The following U2SURP variants were observed in gnomAD, a reference collection of about 807,000 sequenced individuals.
The protein encoded by U2SURP is U2 snRNP associated SURP domain containing.
Under a neutral mutation model 144.9 loss-of-function variants are expected in U2SURP, and 9 were observed. The observed-to-expected ratio is 0.06, with a 90% CI of 0.04 to 0.11. The LOEUF (loss-of-function observed/expected upper bound fraction) is 0.11. U2SURP is among the 10% of genes least tolerant of loss of function. The pLI is 1.00. For synonymous variants in U2SURP, 408 were observed against 396.8 expected (o/e 1.03, Z -0.33); for missense variants, 724 against 1,226.7 (o/e 0.59, Z 6.12).
rs550681015 is a variant in U2SURP, at chr3:143,058,059, C to G, written c.*1609C>G. On this transcript the variant is annotated 3_prime_UTR_variant, in exon 28 of 28. Transcript: ENST00000473835. ...AAACATTAATTCCTAAAAATTTGTT[C>G]AGAATAATTAAAAGTGAACATTTGG... The G allele has an allele frequency of 6.6e-6, 1 of 152,396 alleles. No individual in the cohort carries two copies. Among genetic ancestry groups the G allele is most frequent in the East Asian group, 1.9e-4 (1 of 5,182 alleles). The allele number at this position is 152,396 out of a possible 1,614,324, so 9.4% of individuals were successfully genotyped here.
At chr3:143,033,165 G>A in intron 17 of U2SURP, 106 bp from the exon 18 acceptor site, 2 of 824,668 alleles carry the variant, frequency 2.4e-6, no homozygotes, top group East Asian at 5.4e-5. Flanking sequence ...CATAGTTGTG[G>A]TGATACTGAG....
At chr3:143,055,145 A>C in intron 27 of U2SURP, 26 bp downstream of exon 27, 1 of 1,522,934 alleles carries the variant, frequency 6.6e-7, no homozygotes, top group Non-Finnish European at 8.8e-7. Flanking sequence ...TTTTGCTAAT[A>C]TTTCAGATAC....
rs775003670 is a variant in U2SURP, at chr3:143,036,003, A to C, written c.1963A>C (p.Arg655=). The change falls in exon 20 of 28, where the codon AGA becomes CGA. Residue 655 remains arginine (R), a synonymous_variant. Transcript: ENST00000473835. ...TTAGCAACGGGTAATGACTTGCTTCAGAGCATGGGAAGATTGGGCAATTTA... is the reference window on the plus strand; with the variant it reads ...TTAGCAACGGGTAATGACTTGCTTCCGAGCATGGGAAGATTGGGCAATTTA... ...NFKQRVMTCF[R]AWEDWAIYPE... 26 of 1,607,014 alleles carry C rather than the reference A, an allele frequency of 1.6e-5. No homozygotes were observed. The highest frequency in any genetic ancestry group is 1.9e-5 in the Non-Finnish European group (22 of 1,177,792).
chr3:143,051,143 T>C, intron 25 of U2SURP, 94 bp downstream of exon 25: 3 of 699,034 alleles, frequency 4.3e-6, no homozygotes, highest in East Asian at 6.0e-5. Flanking sequence ...TTTCAAATTA[T>C]ATCCTTTGTA....
chr3:143,003,723 G>T (rs867117591), intron 1 of U2SURP, among the ~76,000 whole-genome samples: 1 of 118,376 alleles, frequency 8.4e-6, no homozygotes, highest in South Asian at 2.7e-4. Context: ...TCGCTCTGTC[G>T]CCCAGGCTGG....
chr3:143,003,285 G>A (rs1935632414), intron 1 of U2SURP, among the ~76,000 whole-genome samples: 1 of 152,154 alleles, frequency 6.6e-6, no homozygotes. Flanking sequence ...TCTGTGAAAG[G>A]AATCAGAATA....
At chr3:143,039,419 T>C (rs1019366056) in intron 23 of U2SURP, among the ~76,000 whole-genome samples, 2 of 151,894 alleles carry the variant, frequency 1.3e-5, no homozygotes, top group African/African-American at 2.4e-5. Context: ...AAATCTTTTC[T>C]TTTGAAATAT....
chr3:143,006,275 G>A (rs1259196437), intron 1 of U2SURP, among the ~76,000 whole-genome samples: 2 of 152,154 alleles, frequency 1.3e-5, no homozygotes, highest in Non-Finnish European at 2.9e-5. Context: ...ACCTTGATTT[G>A]GCTTGGATAG....
intron 1 of U2SURP, among the ~76,000 whole-genome samples, chr3:143,007,018 T>C (rs1381098543): frequency 1.3e-5 from 2 of 152,116 alleles, no homozygotes; most frequent in Non-Finnish European, 2.9e-5. Context: ...TCACTTAAAG[T>C]AAAATTGGAG....
intron 6 of U2SURP, 37 bp from the exon 7 acceptor site, chr3:143,019,932 C>A: frequency 1.6e-6 from 2 of 1,246,920 alleles, no homozygotes; most frequent in South Asian, 1.7e-5. Context: ...TTTGCTTATC[C>A]TTTTGTTTGA....
intron 4 of U2SURP, 69 bp from the exon 5 acceptor site, chr3:143,016,188 A>G (rs1183077959): frequency 1.4e-6 from 2 of 1,393,622 alleles, no homozygotes; most frequent in African/African-American, 2.9e-5. Context: ...TTATTCCTTG[A>G]TGAATTTAGC....
intron 1 of U2SURP, among the ~76,000 whole-genome samples, chr3:143,004,363 T>G (rs1327416729): frequency 3.2e-5 from 2 of 62,274 alleles, no homozygotes; most frequent in Non-Finnish European, 5.4e-5. Flanking sequence ...GTTTTTTTTT[T>G]TTTTTTTTTT....
intron 25 of U2SURP, among the ~76,000 whole-genome samples, chr3:143,052,311 T>C (rs1220059518): frequency 6.6e-6 from 1 of 152,132 alleles, no homozygotes; most frequent in Admixed American, 6.5e-5. Context: ...GGAGAATCAC[T>C]TGAACCTGGG....
chr3:143,017,201 A>G, intron 6 of U2SURP: 1 of 381,378 alleles, frequency 2.6e-6, no homozygotes, highest in Non-Finnish European at 4.7e-6. Flanking sequence ...AACATTTGCT[A>G]TTTATGCTCA....
At chr3:143,004,972 T>C (rs1042946443) in intron 1 of U2SURP, among the ~76,000 whole-genome samples, 3 of 152,168 alleles carry the variant, frequency 2.0e-5, no homozygotes, top group Non-Finnish European at 4.4e-5. Context: ...TTCCTTAGAA[T>C]TTAATTTATA....
At chr3:143,038,301 G>A (rs777006168) in intron 22 of U2SURP, 98 bp downstream of exon 22, 25 of 874,474 alleles carry the variant, frequency 2.9e-5, no homozygotes, top group African/African-American at 3.5e-5. Flanking sequence ...TTTATAACAC[G>A]TTTTAACCTT....
Position 143,043,135 on chromosome 3 carries a change from A to G in U2SURP, c.2403A>G (p.Glu801=), listed in dbSNP as rs1314330470. 1 of 1,603,538 alleles carries G rather than the reference A, an allele frequency of 6.2e-7. No individual in the cohort carries two copies. Among genetic ancestry groups the G allele is most frequent in the Non-Finnish European group, 8.5e-7 (1 of 1,175,398 alleles). Residue 801 remains glutamate (E), a synonymous_variant, in exon 24 of 28, where the codon GAA becomes GAG. Transcript: ENST00000473835. ...TCTAAAGTCAAGAAGAAGAAAGTGA[A>G]GATGAAGAAGATACTCAAAGTTCCA... ...EENQNQEEES[E]DEEDTQSSKS...
Position 143,012,429 on chromosome 3 carries a change from G to A in U2SURP, c.222+76G>A, listed in dbSNP as rs1195238872. The A allele has an allele frequency of 2.2e-6, 3 of 1,357,982 alleles. No homozygotes were observed. The African/African-American group carries it at 4.4e-5, about 20-fold the overall frequency. The allele number at this position is 1,357,982 out of a possible 1,614,324, so 84.1% of individuals were successfully genotyped here. A position where few individuals can be genotyped will look rare whatever the true frequency, so the allele number is the denominator to read the frequency against. On this transcript the variant is annotated intron_variant, in intron 3 of 27. Transcript: ENST00000473835. Reference sequence around the variant, plus strand: ...TAATCTGTCTTTGACTGAATTTAGTGGTCGAATATTTGGTTTTGTATGTGT... The same window carrying A: ...TAATCTGTCTTTGACTGAATTTAGTAGTCGAATATTTGGTTTTGTATGTGT...
At position 143,023,019 on chromosome 3, in the gene U2SURP, T is replaced by C. The variant is rs1932924435; in HGVS notation, c.1185T>C (p.Asn395=). 1.2e-6 allele frequency: 2 copies of C among 1,610,668 alleles called. No individual in the cohort carries two copies. The highest frequency in any genetic ancestry group is 1.7e-6 in the Non-Finnish European group (2 of 1,178,394). The change falls in exon 12 of 28, where the codon AAT becomes AAC. Residue 395 remains asparagine, a synonymous_variant. Coordinates refer to ENST00000473835, the MANE Select transcript of U2SURP (RefSeq NM_001080415.2). ...AQPRERLKNP[N]APMLPPPKNK... ...CTAGAGAGCGGTTAAAAAACCCTAA[T>C]GCTCCTATGTTACCGCCACCTAAAA...
Sources: gnomAD v4.1 joint callset for allele counts (sites outside exome capture counted in the v4.1 genomes callset) on GRCh38, gnomAD v4.1.1 for gene constraint, MANE v1.5 for transcripts, NCBI Gene and HGNC (gene_info 2026-07-23, HGNC 2026-07-21) for gene names.